Variants in SRSF4 observed in about 807,000 individuals in gnomAD.
SRSF4 encodes the protein serine/arginine-rich splicing factor 4.
Under a neutral mutation model 48.8 loss-of-function variants are expected in SRSF4, and 12 were observed. That is an observed-to-expected ratio of 0.25 (90% CI 0.16 to 0.40). The LOEUF (loss-of-function observed/expected upper bound fraction) is 0.40, where lower values mean the gene tolerates loss of function less well. Among genes scored for constraint, SRSF4 ranks in the 10% least tolerant of loss-of-function variants. The pLI is 1.00. For missense variants in SRSF4, 466 were observed against 667.1 expected, an observed-to-expected ratio of 0.70 and a Z score of 3.32; for synonymous variants, 248 against 232.5, an observed-to-expected ratio of 1.07 and a Z score of -0.61.
Position 29,148,567 on chromosome 1 carries a change from C to T in SRSF4, c.1328G>A (p.Arg443Lys). The T allele has an allele frequency of 6.2e-7, 1 of 1,614,112 alleles. No homozygotes were observed. Among genetic ancestry groups the T allele is most frequent in the African/African-American group, 1.3e-5 (1 of 75,032 alleles). The change falls in exon 6 of 6, where the codon AGG becomes AAG. Residue 443 changes from arginine (R) to lysine (K), a missense_variant. By Grantham distance (26) the Arg-to-Lys change is conservative. Transcript: ENST00000373795. ...NAGTNQETRS[R>K]SRSNSKSKPN... ...TTTCGATTTGGAATTGGATCTCGAC[C>T]TGGACCGGGTCTCCTGATTGGTGCC...
At chr1:29,152,535 C>T (rs1672426731) in intron 4 of SRSF4, among the ~76,000 whole-genome samples, 1 of 152,152 alleles carries the variant, frequency 6.6e-6, no homozygotes. Context: ...AGCCACTCTC[C>T]TCCCGTTACC....
At chr1:29,172,824 C>T (rs1187129973) in intron 1 of SRSF4, 1 of 151,866 alleles carries the variant, frequency 6.6e-6, no homozygotes, top group Non-Finnish European at 1.5e-5. Context: ...CACATAATAC[C>T]CATCACAGGG....
intron 1 of SRSF4, 170 bp from the exon 2 acceptor site, chr1:29,160,687 G>T: frequency 1.6e-6 from 1 of 609,902 alleles, no homozygotes; most frequent in Non-Finnish European, 2.6e-6. Context: ...TGTGCCAACA[G>T]GCACTGAAAG....
intron 5 of SRSF4, among the ~76,000 whole-genome samples, chr1:29,149,526 CA>C (rs771485526): frequency 1.6e-4 from 25 of 151,678 alleles, no homozygotes; most frequent in East Asian, 1.6e-3. Flanking sequence ...CTAAAAATAC[CA>C]AAAATTAGCC....
At chr1:29,176,037 G>C (rs1283773789) in intron 1 of SRSF4, among the ~76,000 whole-genome samples, 1 of 152,124 alleles carries the variant, frequency 6.6e-6, no homozygotes, top group Non-Finnish European at 1.5e-5. Flanking sequence ...TGGATCATGA[G>C]GTCAGGAGAT....
At chr1:29,161,836 G>C (rs1427833065) in intron 1 of SRSF4, among the ~76,000 whole-genome samples, 1 of 152,146 alleles carries the variant, frequency 6.6e-6, no homozygotes, top group Non-Finnish European at 1.5e-5. Flanking sequence ...CAGGTGATTC[G>C]CCCTCCTGGG....
At chr1:29,178,256 A>AT (rs1672899897) in intron 1 of SRSF4, among the ~76,000 whole-genome samples, 1 of 152,044 alleles carries the variant, frequency 6.6e-6, no homozygotes, top group Admixed American at 6.6e-5. Context: ...TCAGCCTAAC[A>AT]TATCTACTGA....
At chr1:29,179,963 C>G (rs961034223) in intron 1 of SRSF4, among the ~76,000 whole-genome samples, 1 of 152,204 alleles carries the variant, frequency 6.6e-6, no homozygotes, top group Non-Finnish European at 1.5e-5. Context: ...ACCTGAGTAA[C>G]ATTAGAAAAG....
At chr1:29,171,789 A>G (rs888929591) in intron 1 of SRSF4, 1 of 152,192 alleles carries the variant, frequency 6.6e-6, no homozygotes, top group African/African-American at 2.4e-5. Flanking sequence ...TCCTGTGCCT[A>G]TCTTTTAAGA....
intron 1 of SRSF4, chr1:29,168,814 G>A (rs1455130155): frequency 6.6e-6 from 1 of 152,192 alleles, no homozygotes; most frequent in Non-Finnish European, 1.5e-5. Context: ...GCAATATTAT[G>A]TATTTAGGAA....
At chr1:29,178,680 A>G (rs1672908578) in intron 1 of SRSF4, among the ~76,000 whole-genome samples, 2 of 152,086 alleles carry the variant, frequency 1.3e-5, no homozygotes. Context: ...CACAATCTAG[A>G]TATGTTCAAA....
intron 1 of SRSF4, chr1:29,171,814 C>T (rs1005988613): frequency 2.0e-5 from 3 of 152,032 alleles, no homozygotes; most frequent in Non-Finnish European, 4.4e-5. Context: ...ACAAATACTT[C>T]GTATGGCCCT....
chr1:29,181,881 G>T lies in SRSF4; in HGVS notation c.-129C>A. 1 of 643,838 alleles carries T rather than the reference G, an allele frequency of 1.6e-6. No homozygotes were observed. Among genetic ancestry groups the T allele is most frequent in the Non-Finnish European group, 2.3e-6 (1 of 435,204 alleles). The allele number at this position is 643,838 out of a possible 1,614,324, so 39.9% of individuals were successfully genotyped here. A position where few individuals can be genotyped will look rare whatever the true frequency, so the allele number is the denominator to read the frequency against. ...GGCGGGACGGACGCAGCCGAACCCC[G>T]GCGACGTACGCGAGCACGCAGCTCG... On this transcript the variant is annotated 5_prime_UTR_variant, in exon 1 of 6. Transcript: ENST00000373795.
intron 1 of SRSF4, chr1:29,165,861 G>A (rs935737697): frequency 3.9e-5 from 6 of 152,260 alleles, no homozygotes; most frequent in African/African-American, 1.4e-4. Context: ...AAGAAAATAT[G>A]CCCCTTTCCA....
At chr1:29,149,412 G>A (rs956416531) in intron 5 of SRSF4, among the ~76,000 whole-genome samples, 186 bp from the exon 6 acceptor site, 2 of 152,168 alleles carry the variant, frequency 1.3e-5, no homozygotes, top group African/African-American at 2.4e-5. Flanking sequence ...CAGGTGCGGC[G>A]GCTCATGCCC....
At chr1:29,175,969 G>A (rs1485608340) in intron 1 of SRSF4, among the ~76,000 whole-genome samples, 1 of 151,466 alleles carries the variant, frequency 6.6e-6, no homozygotes, top group Non-Finnish European at 1.5e-5. Flanking sequence ...AAACAAAAAG[G>A]TGGCCGGGCA....
intron 1 of SRSF4, among the ~76,000 whole-genome samples, chr1:29,178,314 T>C (rs889897610): frequency 4.6e-5 from 7 of 151,516 alleles, no homozygotes; most frequent in African/African-American, 1.7e-4. Flanking sequence ...TTCAAAGACC[T>C]ATCTAAAGCA....
At chr1:29,161,332 ATATT>A (rs1401060990) in intron 1 of SRSF4, among the ~76,000 whole-genome samples, 1 of 152,252 alleles carries the variant, frequency 6.6e-6, no homozygotes, top group Non-Finnish European at 1.5e-5. Context: ...TTTTCAAGAA[ATATT>A]TAGTTTGGTC....
intron 1 of SRSF4, among the ~76,000 whole-genome samples, chr1:29,175,380 AACAG>A (rs1205779644): frequency 2.7e-5 from 4 of 146,408 alleles, no homozygotes; most frequent in African/African-American, 7.7e-5. Flanking sequence ...CAGCCTGGGC[AACAG>A]ACAGAGACTC....
Sources: allele counts gnomAD v4.1 joint callset (sites outside exome capture counted in the v4.1 genomes callset), GRCh38; gene constraint gnomAD v4.1.1; transcripts MANE v1.5; gene names NCBI Gene and HGNC (gene_info 2026-07-23, HGNC 2026-07-21).